Variants in TMEM132E observed in about 807,000 individuals in gnomAD.
TMEM132E encodes the protein transmembrane protein 132E.
Under a neutral mutation model 78.5 loss-of-function variants are expected in TMEM132E, and 49 were observed. The ratio of observed to expected loss-of-function variants is 0.62; its 90% CI spans 0.50 to 0.79. TMEM132E has a LOEUF of 0.79. Ranked by LOEUF, TMEM132E falls within the 30% of genes least tolerant of loss-of-function variation. The pLI, the probability that TMEM132E is intolerant of heterozygous loss-of-function variation, is 0.00. For missense variants in TMEM132E, 1,403 were observed against 1,470.9 expected (o/e 0.95, Z 0.75); for synonymous variants, 715 against 670.6 (o/e 1.07, Z -1.02).
At chr17:34,613,197 C>CACACCCA in intron 1 of TMEM132E, among the ~76,000 whole-genome samples, 2 of 131,150 alleles carry the variant, frequency 1.5e-5, no homozygotes, top group African/African-American at 5.5e-5. Context: ...ACACACACAC[C>CACACCCA]CACACACACA....
At chr17:34,616,669 T>C (rs1047847880) in intron 1 of TMEM132E, among the ~76,000 whole-genome samples, 4 of 151,988 alleles carry the variant, frequency 2.6e-5, no homozygotes, top group African/African-American at 9.7e-5. Flanking sequence ...TGCAGCTTCG[T>C]GGTGGGGAAG....
At chr17:34,618,521 C>A (rs1299520328) in intron 1 of TMEM132E, among the ~76,000 whole-genome samples, 1 of 152,070 alleles carries the variant, frequency 6.6e-6, no homozygotes, top group Admixed American at 6.6e-5. Flanking sequence ...AGTAAGCCAC[C>A]ATGCCCGGCC....
rs951154562 is a variant in TMEM132E at position 34,626,752 on chromosome 17, G to T, written c.693G>T (p.Glu231Asp). 16 of 1,397,900 alleles carry T rather than the reference G, an allele frequency of 1.1e-5. No individual in the cohort carries two copies. In the Admixed American group the frequency reaches 3.1e-4, roughly 27 times the overall value. The allele number at this position is 1,397,900 out of a possible 1,614,324, so 86.6% of individuals were successfully genotyped here. A position where few individuals can be genotyped will look rare whatever the true frequency, so the allele number is the denominator to read the frequency against. The change falls in exon 2 of 9, where the codon GAG (glutamate) becomes GAT (aspartate). Residue 231 changes from glutamate to aspartate, a missense_variant. This residue lies in a region of TMEM132E where 511 missense variants were observed against 499.0 expected (regional missense o/e 1.02). Coordinates refer to ENST00000631683, the MANE Select transcript of TMEM132E (RefSeq NM_001304438.2). ...PEATGESQQA[E>D]LYYTLHAPDA... The stretch of plus-strand genomic sequence containing the variant: ...CGACGGGGGAGAGCCAGCAGGCCGA[G>T]CTCTACTACACGCTCCACGCCCCTG...
intron 1 of TMEM132E, among the ~76,000 whole-genome samples, chr17:34,591,468 G>C (rs1436338972): frequency 6.6e-6 from 1 of 152,162 alleles, no homozygotes; most frequent in Admixed American, 6.5e-5. Context: ...ATCATACCTG[G>C]CTAACTTTTA....
chr17:34,583,046 C>T (rs1362971499), intron 1 of TMEM132E, among the ~76,000 whole-genome samples: 1 of 152,248 alleles, frequency 6.6e-6, no homozygotes. Flanking sequence ...AGCGTCCTGG[C>T]TGCCTTCCCT....
chr17:34,595,662 C>T (rs1249190548), intron 1 of TMEM132E, among the ~76,000 whole-genome samples: 1 of 152,198 alleles, frequency 6.6e-6, no homozygotes, highest in African/African-American at 2.4e-5. Context: ...AACCAAAGTC[C>T]AGAGAGGGGA....
chr17:34,637,810 T>A lies in TMEM132E; in HGVS notation c.2803T>A (p.Trp935Arg), dbSNP rs371952137. The change falls in exon 9 of 9, where the codon TGG becomes AGG. Residue 935 changes from tryptophan (W) to arginine (R), a missense_variant. Transcript: ENST00000631683. ...GQTSMDHSHH[W>R]VFLGNGQPLR... The stretch of plus-strand genomic sequence containing the variant: ...GACCAGCATGGACCACTCTCACCAC[T>A]GGGTGTTCCTGGGCAACGGGCAGCC... The A allele has an allele frequency of 1.2e-6, 2 of 1,612,150 alleles. No homozygotes were observed. Among genetic ancestry groups the A allele is most frequent in the Non-Finnish European group, 1.7e-6 (2 of 1,179,410 alleles).
intron 7 of TMEM132E, 65 bp from the exon 8 acceptor site, chr17:34,635,941 TG>T: frequency 6.1e-6 from 8 of 1,311,392 alleles, no homozygotes; most frequent in Non-Finnish European, 7.9e-6. Flanking sequence ...TCTCCCTAGC[TG>T]GGGGTCTTGG....
At chr17:34,627,467 C>CGTGTGTGCGTGCGCGCGCGCGCGTGT (rs1555564416) in intron 2 of TMEM132E, among the ~76,000 whole-genome samples, 20 of 126,540 alleles carry the variant, frequency 1.6e-4, no homozygotes, top group African/African-American at 5.4e-4. Context: ...CCAAAAGAAT[C>CGTGTGTGCGTGCGCGCGCGCGCGTGT]GTGTGTGTGT....
Position 34,629,229 on chromosome 17 carries a change from G to T in TMEM132E, c.1338+25G>T, listed in dbSNP as rs759486749. 6 of 1,610,794 alleles carry T rather than the reference G, an allele frequency of 3.7e-6. No homozygotes were observed. The African/African-American group carries it at 4.0e-5, about 11-fold the overall frequency. On this transcript the variant is annotated intron_variant, in intron 4 of 8. Transcript: ENST00000631683. ...GGTGAGCAGGCAGGTGACCAGCCCA[G>T]AAGATGCCTGGGTCTATGCATGTGT...
chr17:34,635,048 C>G lies in TMEM132E; in HGVS notation c.1938C>G (p.Ser646Arg), dbSNP rs1316240098. Reference protein sequence around the residue: ...DPRVAHMVDSSTLAGLEPGTT... With the variant: ...DPRVAHMVDSRTLAGLEPGTT... ...GAGTGGCACACATGGTGGACAGCAG[C>G]ACGCTGGCAGGACTGGAGCCAGGCA... is the stretch of plus-strand genomic sequence containing the variant. The change falls in exon 7 of 9, where the codon AGC becomes AGG. Residue 646 changes from serine (S) to arginine (R), a missense_variant. Transcript: ENST00000631683. The G allele has an allele frequency of 6.2e-7, 1 of 1,614,034 alleles. No homozygotes were observed.
At chr17:34,621,755 C>A (rs1470775297) in intron 1 of TMEM132E, among the ~76,000 whole-genome samples, 1 of 152,172 alleles carries the variant, frequency 6.6e-6, no homozygotes, top group African/African-American at 2.4e-5. Context: ...GGTTCAGAAC[C>A]AGGCCCACGG....
chr17:34,607,526 G>C (rs1481456961), intron 1 of TMEM132E, among the ~76,000 whole-genome samples: 1 of 152,086 alleles, frequency 6.6e-6, no homozygotes, highest in Admixed American at 6.5e-5. Flanking sequence ...GCATGAAATG[G>C]GTGTCCACAA....
chr17:34,627,964 C>A (rs1011433298), intron 2 of TMEM132E, among the ~76,000 whole-genome samples: 5 of 152,162 alleles, frequency 3.3e-5, no homozygotes, highest in Non-Finnish European at 7.3e-5. Context: ...TTGCTTTAGC[C>A]AATGTTCATT....
intron 1 of TMEM132E, among the ~76,000 whole-genome samples, chr17:34,608,453 G>A (rs532081053): frequency 6.6e-6 from 1 of 152,206 alleles, no homozygotes; most frequent in African/African-American, 2.4e-5. Context: ...ATGGAAGGTA[G>A]AATACATAAA....
chr17:34,591,863 G>A (rs552945545), intron 1 of TMEM132E, among the ~76,000 whole-genome samples: 1 of 152,326 alleles, frequency 6.6e-6, no homozygotes, highest in South Asian at 2.1e-4. Context: ...ACATCTCCCT[G>A]AGCCTCTCCT....
At position 34,626,657 on chromosome 17, in the gene TMEM132E, T is replaced by C; in HGVS notation, c.598T>C (p.Phe200Leu). 7.0e-7 allele frequency: 1 copy of C among 1,421,334 alleles called. No homozygotes were observed. Among genetic ancestry groups the C allele is most frequent in the Non-Finnish European group, 9.2e-7 (1 of 1,088,690 alleles). 88.0% of individuals were successfully genotyped at this position (1,421,334 alleles called of 1,614,324 possible). ...LVRAELPLAW[F>L]GPPAPAAPPT... Reference sequence around the variant, plus strand: ...GCGGGCAGAGCTGCCCCTGGCCTGGTTCGGGCCCCCAGCCCCCGCTGCGCC... The same window carrying C: ...GCGGGCAGAGCTGCCCCTGGCCTGGCTCGGGCCCCCAGCCCCCGCTGCGCC... Residue 200 changes from phenylalanine to leucine, a missense_variant, in exon 2 of 9, where the codon TTC (phenylalanine) becomes CTC (leucine). This residue lies in a region of TMEM132E where 511 missense variants were observed against 499.0 expected (regional missense o/e 1.02). Transcript: ENST00000631683.
At chr17:34,608,852 C>T (rs897987226) in intron 1 of TMEM132E, among the ~76,000 whole-genome samples, 5 of 152,278 alleles carry the variant, frequency 3.3e-5, no homozygotes, top group African/African-American at 7.2e-5. Flanking sequence ...CAGCCGAATA[C>T]CCCGTCTGAT....
Position 34,634,781 on chromosome 17 carries a change from G to A in TMEM132E, c.1689-18G>A. On this transcript the variant is annotated intron_variant, in intron 6 of 8. Coordinates refer to ENST00000631683, the MANE Select transcript of TMEM132E (RefSeq NM_001304438.2). ...AGTCCAGGTGAGAAGCCTTCAGCAT[G>A]GCATGTCCCCACCCCAGGTCAGTCC... is the stretch of plus-strand genomic sequence containing the variant. 2 of 1,602,516 alleles carry A rather than the reference G, an allele frequency of 1.2e-6. No homozygotes were observed. The highest frequency in any genetic ancestry group is 2.2e-5 in the East Asian group (1 of 44,496).
Sources: gnomAD v4.1 joint callset for allele counts (sites outside exome capture counted in the v4.1 genomes callset) on GRCh38, gnomAD v4.1.1 for gene constraint, gnomAD v4.1.1 regional missense constraint, MANE v1.5 for transcripts, NCBI Gene and HGNC (gene_info 2026-07-23, HGNC 2026-07-21) for gene names.